The following VDAC1 variants were observed in gnomAD, a reference collection of about 807,000 sequenced individuals.
VDAC1 encodes the protein non-selective voltage-gated ion channel VDAC1.
In VDAC1, 10 loss-of-function variants were observed where a neutral mutation model predicts 34.7. That is an observed-to-expected ratio of 0.29 (90% CI 0.18 to 0.49). The LOEUF (loss-of-function observed/expected upper bound fraction) is 0.49. VDAC1 is among the 20% of genes least tolerant of loss of function. The pLI is 0.99. For synonymous variants in VDAC1, 130 were observed against 136.0 expected (o/e 0.96, Z 0.30); for missense variants, 230 against 347.9 (o/e 0.66, Z 2.69).
chr5:134,111,635 A>G, the VDAC1 span, among the ~76,000 whole-genome samples: 2 of 152,182 alleles, frequency 1.3e-5, no homozygotes, highest in African/African-American at 4.8e-5. Context: ...GACCACCAAG[A>G]TGATTCCCTA....
chr5:134,114,042 G>C, the VDAC1 span, among the ~76,000 whole-genome samples: 1 of 152,328 alleles, frequency 6.6e-6, no homozygotes, highest in Non-Finnish European at 1.5e-5. Flanking sequence ...GCTCGGAGCC[G>C]TCGCCTGACT....
the VDAC1 span, among the ~76,000 whole-genome samples, chr5:134,033,384 C>T: frequency 6.6e-6 from 1 of 151,532 alleles, no homozygotes; most frequent in Non-Finnish European, 1.5e-5. Context: ...TCTCGATCTC[C>T]TAACCTCGTG....
intron 5 of VDAC1, among the ~76,000 whole-genome samples, chr5:133,983,790 G>C (rs1752793969): frequency 6.6e-6 from 1 of 152,114 alleles, no homozygotes; most frequent in Non-Finnish European, 1.5e-5. Flanking sequence ...TTAGACCATG[G>C]GGGTGGATCC....
chr5:133,977,309 C>T (rs893681913), intron 6 of VDAC1, among the ~76,000 whole-genome samples: 1 of 152,172 alleles, frequency 6.6e-6, no homozygotes, highest in African/African-American at 2.4e-5. Context: ...AACATCTAAG[C>T]CTGGCAGGAT....
At chr5:134,026,289 C>G in the VDAC1 span, among the ~76,000 whole-genome samples, 1 of 152,076 alleles carries the variant, frequency 6.6e-6, no homozygotes, top group African/African-American at 2.4e-5. Context: ...GGGCAGATCA[C>G]GAGGTCAGAA....
chr5:133,978,069 C>T lies in VDAC1; in HGVS notation c.552-2048G>A, dbSNP rs532426391. ...TTGGTTAACTGTGAGTCAGAGCCCA[C>T]GTACTTTGGAATCCAGCAAAGGGCT... On this transcript the variant is annotated intron_variant, in intron 6 of 8. Transcript: ENST00000265333. Among the ~76,000 whole-genome samples, 6 of 152,186 alleles carry T rather than the reference C, an allele frequency of 3.9e-5. No homozygotes were observed. The South Asian group carries it at 8.3e-4, about 21-fold the overall frequency.
At chr5:134,005,776 G>A (rs1207576933), upstream of VDAC1, among the ~76,000 whole-genome samples, 1 of 152,334 alleles carries the variant, frequency 6.6e-6, no homozygotes, top group Non-Finnish European at 1.5e-5. Flanking sequence ...TACGCGCGAG[G>A]CCCACTCGAA....
chr5:134,067,428 TAAAAAA>T, the VDAC1 span, among the ~76,000 whole-genome samples: 1 of 96,826 alleles, frequency 1.0e-5, no homozygotes, highest in South Asian at 4.2e-4. Context: ...TTACATATTC[TAAAAAA>T]AAAAAAAAAA....
intron 6 of VDAC1, among the ~76,000 whole-genome samples, chr5:133,978,319 TAGAGAC>T (rs1178706949): frequency 1.3e-5 from 2 of 151,842 alleles, no homozygotes; most frequent in African/African-American, 4.9e-5. Flanking sequence ...AAAAATTTCT[TAGAGAC>T]AGAGTATTTC....
At chr5:134,075,583 T>G in the VDAC1 span, among the ~76,000 whole-genome samples, 2 of 152,204 alleles carry the variant, frequency 1.3e-5, no homozygotes, top group African/African-American at 2.4e-5. Flanking sequence ...TGTTTGTTTG[T>G]TTTTTGTTTT....
the VDAC1 span, among the ~76,000 whole-genome samples, chr5:134,076,801 C>A: frequency 1.3e-5 from 2 of 152,196 alleles, no homozygotes; most frequent in Non-Finnish European, 2.9e-5. Context: ...GCAGGAGAGA[C>A]AACCATCTGG....
the VDAC1 span, among the ~76,000 whole-genome samples, chr5:134,034,565 C>T: frequency 6.6e-6 from 1 of 152,180 alleles, no homozygotes; most frequent in Non-Finnish European, 1.5e-5. Flanking sequence ...GGTTTTCTCC[C>T]AGAGCCCGCA....
chr5:134,045,981 G>A, the VDAC1 span, among the ~76,000 whole-genome samples: 2 of 133,164 alleles, frequency 1.5e-5, no homozygotes, highest in South Asian at 2.5e-4. Flanking sequence ...CACTGACCCC[G>A]GCAATTCTTC....
At chr5:134,041,813 C>T in the VDAC1 span, among the ~76,000 whole-genome samples, 114 of 152,266 alleles carry the variant, frequency 7.5e-4, no homozygotes, top group South Asian at 2.1e-3. Flanking sequence ...AGGGCCCACC[C>T]AGGGTGGGCT....
At chr5:134,076,349 C>T in the VDAC1 span, among the ~76,000 whole-genome samples, 1 of 152,226 alleles carries the variant, frequency 6.6e-6, no homozygotes, top group Non-Finnish European at 1.5e-5. Context: ...TGGAGGCCTT[C>T]CTGAGTCCCC....
chr5:134,017,646 G>T, the VDAC1 span, among the ~76,000 whole-genome samples: 1 of 152,154 alleles, frequency 6.6e-6, no homozygotes, highest in Non-Finnish European at 1.5e-5. Context: ...GGGCATGGTG[G>T]CTCACGCTTG....
the VDAC1 span, among the ~76,000 whole-genome samples, chr5:134,043,731 T>C: frequency 6.6e-6 from 1 of 152,000 alleles, no homozygotes; most frequent in East Asian, 1.9e-4. Flanking sequence ...TGGGGTCTCA[T>C]TATGTTGCCC....
the VDAC1 span, among the ~76,000 whole-genome samples, chr5:134,033,935 T>C: frequency 6.6e-6 from 1 of 151,350 alleles, no homozygotes; most frequent in Non-Finnish European, 1.5e-5. Flanking sequence ...GAGCTTGCAG[T>C]GAGCCGAGAT....
the VDAC1 span, among the ~76,000 whole-genome samples, chr5:134,052,565 G>T: frequency 2.5e-4 from 38 of 152,256 alleles, no homozygotes; most frequent in South Asian, 7.7e-3. Flanking sequence ...TCACAGGCAT[G>T]AGTCACCGTG....
Sources: allele counts gnomAD v4.1 joint callset (sites outside exome capture counted in the v4.1 genomes callset), GRCh38; gene constraint gnomAD v4.1.1; transcripts MANE v1.5; gene names NCBI Gene and HGNC (gene_info 2026-07-23, HGNC 2026-07-21).